MTMR3: variants seen among roughly 807,000 people sequenced by gnomAD.
The protein encoded by MTMR3 is phosphatidylinositol-3,5-bisphosphate 3-phosphatase MTMR3.
MTMR3 carries 32 observed loss-of-function variants against 132.4 expected under a neutral mutation model. The ratio of observed to expected loss-of-function variants is 0.24; its 90% CI spans 0.18 to 0.32. The LOEUF (loss-of-function observed/expected upper bound fraction) is 0.32, where lower values mean the gene tolerates loss of function less well. Among genes scored for constraint, MTMR3 ranks in the 10% least tolerant of loss-of-function variants. MTMR3 has a pLI of 1.00. For missense variants in MTMR3, 1,216 were observed against 1,489.6 expected, an observed-to-expected ratio of 0.82 and a Z score of 3.02; for synonymous variants, 556 against 550.3, an observed-to-expected ratio of 1.01 and a Z score of -0.14.
intron 1 of MTMR3, among the ~76,000 whole-genome samples, chr22:29,928,513 T>C (rs940594516): frequency 1.1e-4 from 17 of 152,176 alleles, no homozygotes; most frequent in South Asian, 6.2e-4. Context: ...TGCCCTTATG[T>C]ATGTATGTAC....
intron 1 of MTMR3, among the ~76,000 whole-genome samples, chr22:29,895,561 C>T (rs1355680009): frequency 1.3e-5 from 2 of 152,168 alleles, no homozygotes; most frequent in Non-Finnish European, 2.9e-5. Flanking sequence ...TGAGGCAAAA[C>T]TTCGTAGCCC....
chr22:29,898,871 C>T (rs1394538307), intron 1 of MTMR3, among the ~76,000 whole-genome samples: 6 of 149,274 alleles, frequency 4.0e-5, no homozygotes, highest in Non-Finnish European at 8.9e-5. Flanking sequence ...ATGGCTGCAG[C>T]GAACCTTTGG....
chr22:29,943,792 A>G (rs2065903236), intron 1 of MTMR3, among the ~76,000 whole-genome samples: 1 of 102,532 alleles, frequency 9.8e-6, no homozygotes, highest in African/African-American at 4.0e-5. Flanking sequence ...CCCACCCCCA[A>G]TGCCAGCTCC....
At chr22:29,918,259 C>G (rs2065345709) in intron 1 of MTMR3, among the ~76,000 whole-genome samples, 1 of 152,210 alleles carries the variant, frequency 6.6e-6, no homozygotes, top group Admixed American at 6.5e-5. Flanking sequence ...TGCTTTCTTA[C>G]ACTAATATTC....
At chr22:29,890,978 A>G (rs1384969434) in intron 1 of MTMR3, among the ~76,000 whole-genome samples, 1 of 151,922 alleles carries the variant, frequency 6.6e-6, no homozygotes, top group African/African-American at 2.4e-5. Context: ...GTGCTTATGA[A>G]TATAGCCGCT....
chr22:29,953,290 A>G (rs1362158938), intron 1 of MTMR3, among the ~76,000 whole-genome samples: 1 of 152,184 alleles, frequency 6.6e-6, no homozygotes, highest in East Asian at 1.9e-4. Flanking sequence ...GCCTGGCCAG[A>G]GCCTCTTAGT....
intron 13 of MTMR3, 38 bp downstream of exon 13, chr22:30,012,601 A>G: frequency 6.5e-6 from 10 of 1,550,188 alleles, no homozygotes; most frequent in Non-Finnish European, 8.7e-6. Flanking sequence ...GTACTTCAGG[A>G]TGAGCCAGGG....
At chr22:30,003,993 A>T (rs1189255956) in intron 9 of MTMR3, 1 of 152,104 alleles carries the variant, frequency 6.6e-6, no homozygotes, top group African/African-American at 2.4e-5. Flanking sequence ...GTAGGAAGGG[A>T]TTTGTCTCCT....
intron 2 of MTMR3, among the ~76,000 whole-genome samples, 172 bp downstream of exon 2, chr22:29,957,260 A>ATTTT (rs148686689): frequency 3.5e-5 from 5 of 144,634 alleles, no homozygotes; most frequent in African/African-American, 1.3e-4. Flanking sequence ...CTTACATGTG[A>ATTTT]TTATTTTTTT....
chr22:29,892,612 C>G (rs1280090591), intron 1 of MTMR3, among the ~76,000 whole-genome samples: 1 of 152,054 alleles, frequency 6.6e-6, no homozygotes, highest in African/African-American at 2.4e-5. Context: ...TGCCTGCCCC[C>G]CAACCCCTAT....
At chr22:29,897,431 T>G (rs2064923276) in intron 1 of MTMR3, among the ~76,000 whole-genome samples, 1 of 152,012 alleles carries the variant, frequency 6.6e-6, no homozygotes, top group Non-Finnish European at 1.5e-5. Flanking sequence ...AAAGGTGTAT[T>G]TAAGTATGTT....
intron 7 of MTMR3, chr22:29,997,604 C>G (rs1486919054): frequency 2.6e-5 from 4 of 152,190 alleles, no homozygotes; most frequent in African/African-American, 9.7e-5. Context: ...AAGCCAGATT[C>G]ATTAGGGCAA....
intron 1 of MTMR3, among the ~76,000 whole-genome samples, chr22:29,924,003 T>C (rs976688470): frequency 6.6e-6 from 1 of 152,228 alleles, no homozygotes; most frequent in African/African-American, 2.4e-5. Context: ...TTTTGTACTC[T>C]GTTGATAGTG....
chr22:29,982,211 TAAAAAAAAAAAA>T (rs71328819), intron 5 of MTMR3: 1 of 41,166 alleles, frequency 2.4e-5, no homozygotes, highest in Non-Finnish European at 3.9e-5. Context: ...TCTGTCTCAT[TAAAAAAAAAAAA>T]AAAAAAAAAA....
chr22:29,988,583 G>C, intron 6 of MTMR3, 21 bp downstream of exon 6: 1 of 1,566,398 alleles, frequency 6.4e-7, no homozygotes, highest in Non-Finnish European at 8.7e-7. Flanking sequence ...TGGTATGTTT[G>C]TGTTGCTGTT....
chr22:29,975,733 G>A (rs1049191273), intron 3 of MTMR3, among the ~76,000 whole-genome samples: 1 of 152,184 alleles, frequency 6.6e-6, no homozygotes, highest in African/African-American at 2.4e-5. Context: ...AGCCTCTTAA[G>A]TATCTGGGAC....
At chr22:29,928,603 C>T (rs1277699580) in intron 1 of MTMR3, among the ~76,000 whole-genome samples, 1 of 151,906 alleles carries the variant, frequency 6.6e-6, no homozygotes, top group Non-Finnish European at 1.5e-5. Flanking sequence ...TATTTTTCCC[C>T]AATTGATGGA....
At chr22:29,908,126 TA>T (rs2065139005) in intron 1 of MTMR3, among the ~76,000 whole-genome samples, 1 of 152,138 alleles carries the variant, frequency 6.6e-6, no homozygotes, top group South Asian at 2.1e-4. Flanking sequence ...AACAACCTTG[TA>T]AAACCTGGGG....
chr22:29,887,156 C>T (rs1380088488), intron 1 of MTMR3, among the ~76,000 whole-genome samples: 1 of 152,068 alleles, frequency 6.6e-6, no homozygotes, highest in Admixed American at 6.6e-5. Flanking sequence ...CTTTTAAGTT[C>T]ATATTTGTAT....
Sources: allele counts gnomAD v4.1 joint callset (sites outside exome capture counted in the v4.1 genomes callset), GRCh38; gene constraint gnomAD v4.1.1; transcripts MANE v1.5; gene names NCBI Gene and HGNC (gene_info 2026-07-23, HGNC 2026-07-21).